PRKG1: variants seen among roughly 807,000 people sequenced by gnomAD.
PRKG1 encodes the protein cGMP-dependent protein kinase 1.
A neutral mutation model predicts 88.1 loss-of-function variants in PRKG1; 35 were observed. The observed-to-expected ratio is 0.40, with a 90% CI of 0.30 to 0.53. PRKG1 has a LOEUF of 0.53. Among genes scored for constraint, PRKG1 ranks in the 20% least tolerant of loss-of-function variants. PRKG1 has a pLI of 0.59. For missense variants in PRKG1, 540 were observed against 839.8 expected, an observed-to-expected ratio of 0.64 and a Z score of 4.41; for synonymous variants, 303 against 292.5, an observed-to-expected ratio of 1.04 and a Z score of -0.37.
intron 3 of PRKG1, among the ~76,000 whole-genome samples, chr10:51,527,969 A>G (rs548620351): frequency 5.9e-5 from 9 of 152,296 alleles, no homozygotes; most frequent in Middle Eastern, 3.4e-3. Context: ...AGTGTTTCCC[A>G]GTTGTGATAT....
chr10:52,159,349 A>T (rs117872193), intron 8 of PRKG1, among the ~76,000 whole-genome samples: 2,453 of 151,716 alleles, frequency 0.016, 39 homozygotes, highest in Non-Finnish European at 0.024. Context: ...AATCAAGGAC[A>T]CTTAAGAAGA....
rs568778180 is a variant in PRKG1, at chr10:51,346,744, C to A, written c.479-120979C>A. ...TTCACTGAATTTGACATCTGCAAAG[C>A]ATATTTGATGTTAGATAATACTTTC... is the stretch of plus-strand genomic sequence containing the variant. On this transcript the variant is annotated intron_variant, in intron 2 of 17. Coordinates refer to ENST00000373980, the MANE Select transcript of PRKG1 (RefSeq NM_006258.4). Among the ~76,000 whole-genome samples the A allele has an allele frequency of 7.9e-4, 120 of 152,248 alleles. 3 individuals are homozygous for A. Among genetic ancestry groups the A allele is most frequent in the Admixed American group, 7.7e-3 (118 of 15,290 alleles).
chr10:51,924,955 T>G (rs944000728), intron 5 of PRKG1, among the ~76,000 whole-genome samples: 3 of 110,894 alleles, frequency 2.7e-5, no homozygotes, highest in African/African-American at 4.6e-5. Context: ...TTGCCTAGTT[T>G]TTTTTTTTTC....
intron 3 of PRKG1, among the ~76,000 whole-genome samples, chr10:51,683,764 C>G (rs1455339588): frequency 3.9e-5 from 6 of 152,110 alleles, no homozygotes; most frequent in Non-Finnish European, 7.3e-5. Context: ...AGGTTCCCCC[C>G]ACCACCCTCC....
At chr10:51,110,201 G>T (rs1357945435) in intron 1 of PRKG1, among the ~76,000 whole-genome samples, 1 of 152,020 alleles carries the variant, frequency 6.6e-6, no homozygotes, top group Non-Finnish European at 1.5e-5. Context: ...CCACCCCTGT[G>T]TATTTACCCA....
At chr10:51,789,434 C>T (rs1345976031) in intron 3 of PRKG1, among the ~76,000 whole-genome samples, 1 of 152,152 alleles carries the variant, frequency 6.6e-6, no homozygotes, top group Non-Finnish European at 1.5e-5. Flanking sequence ...GACCCTCCTA[C>T]ATGTTGAAGA....
At chr10:51,856,725 G>A (rs1161599028) in intron 4 of PRKG1, among the ~76,000 whole-genome samples, 3 of 152,252 alleles carry the variant, frequency 2.0e-5, no homozygotes, top group Admixed American at 6.5e-5. Flanking sequence ...CAGCACTTTG[G>A]GAGGCTGAGT....
rs1839087168 is a variant in PRKG1, at chr10:51,440,922, A to G, written c.479-26801A>G. Reference sequence around the variant, plus strand: ...TGAAATGAATGGAACCAATAAGAGGATATGTTGAAGCCTATAAAATCAGGA... The same window carrying G: ...TGAAATGAATGGAACCAATAAGAGGGTATGTTGAAGCCTATAAAATCAGGA... On this transcript the variant is annotated intron_variant, in intron 2 of 17. Coordinates refer to ENST00000373980, the MANE Select transcript of PRKG1 (RefSeq NM_006258.4). 2.0e-5 allele frequency among the ~76,000 whole-genome samples: 3 copies of G among 152,004 alleles called. No individual in the cohort carries two copies. In the South Asian group the frequency reaches 6.2e-4, roughly 31 times the overall value.
At chr10:52,211,296 A>C (rs1388815644) in intron 9 of PRKG1, among the ~76,000 whole-genome samples, 1 of 152,160 alleles carries the variant, frequency 6.6e-6, no homozygotes, top group African/African-American at 2.4e-5. Context: ...ATTATATTTT[A>C]CCCAGTATTC....
chr10:51,774,250 T>C (rs1173145443), intron 3 of PRKG1, among the ~76,000 whole-genome samples: 1 of 152,146 alleles, frequency 6.6e-6, no homozygotes, highest in Admixed American at 6.6e-5. Context: ...AACACATGTT[T>C]TTACACTTTG....
intron 8 of PRKG1, among the ~76,000 whole-genome samples, chr10:52,136,174 G>A (rs960811761): frequency 6.6e-6 from 1 of 152,014 alleles, no homozygotes; most frequent in African/African-American, 2.4e-5. Flanking sequence ...AAGGAAGTGA[G>A]AACACTGAGC....
intron 2 of PRKG1, among the ~76,000 whole-genome samples, chr10:51,444,921 C>T (rs576717013): frequency 6.6e-6 from 1 of 151,858 alleles, no homozygotes; most frequent in Admixed American, 6.6e-5. Flanking sequence ...AATCTTGGGA[C>T]TGGGTTAAAA....
At chr10:51,604,090 T>C (rs138630410) in intron 3 of PRKG1, among the ~76,000 whole-genome samples, 1 of 18,234 alleles carries the variant, frequency 5.5e-5, no homozygotes. Context: ...GGTCCCTGCC[T>C]TTTTTTTTTT....
At chr10:51,780,650 A>G (rs996193983) in intron 3 of PRKG1, among the ~76,000 whole-genome samples, 4 of 152,138 alleles carry the variant, frequency 2.6e-5, no homozygotes, top group Non-Finnish European at 4.4e-5. Context: ...CAGTTCCTCA[A>G]ATTAATCCAT....
At chr10:51,063,588 A>G (rs1843716012) in intron 1 of PRKG1, among the ~76,000 whole-genome samples, 1 of 152,228 alleles carries the variant, frequency 6.6e-6, no homozygotes, top group African/African-American at 2.4e-5. Context: ...TATGCGGTCT[A>G]TCATTGACAG....
chr10:51,988,329 C>A (rs2447645), intron 5 of PRKG1, among the ~76,000 whole-genome samples: 33,853 of 151,824 alleles, frequency 0.22, 4,348 homozygotes, highest in Admixed American at 0.31. Flanking sequence ...TTTATTGATT[C>A]TTCCCTAGAT....
At chr10:51,970,040 A>G (rs1843669389) in intron 5 of PRKG1, among the ~76,000 whole-genome samples, 2 of 114,326 alleles carry the variant, frequency 1.7e-5, no homozygotes, top group South Asian at 6.2e-4. Context: ...ACACACACAC[A>G]CACACACACA....
chr10:51,709,406 T>G (rs1841687886), intron 3 of PRKG1, among the ~76,000 whole-genome samples: 1 of 152,228 alleles, frequency 6.6e-6, no homozygotes, highest in African/African-American at 2.4e-5. Flanking sequence ...CTGACATTTA[T>G]GCTGAAATAG....
At chr10:52,151,846 A>G (rs745392690) in intron 8 of PRKG1, among the ~76,000 whole-genome samples, 50 of 152,330 alleles carry the variant, frequency 3.3e-4, no homozygotes, top group Admixed American at 6.5e-4. Flanking sequence ...ATTGAAAATG[A>G]AAGTCATGCT....
Sources: allele counts gnomAD v4.1 joint callset (sites outside exome capture counted in the v4.1 genomes callset), GRCh38; gene constraint gnomAD v4.1.1; transcripts MANE v1.5; gene names NCBI Gene and HGNC (gene_info 2026-07-23, HGNC 2026-07-21).